EPM2A: variants seen among roughly 807,000 people sequenced by gnomAD.
EPM2A encodes the protein laforin.
Under a neutral mutation model 26.5 loss-of-function variants are expected in EPM2A, and 21 were observed. That is an observed-to-expected ratio of 0.79 (90% CI 0.56 to 1.14). EPM2A has a LOEUF of 1.14. Among genes scored for constraint, EPM2A ranks in the 50% most tolerant of loss-of-function variants. The pLI is 0.00. For synonymous variants in EPM2A, 217 were observed against 177.6 expected (o/e 1.22, Z -1.76); for missense variants, 458 against 440.8 (o/e 1.04, Z -0.35).
intron 2 of EPM2A, among the ~76,000 whole-genome samples, chr6:145,580,477 A>T (rs1781098070): frequency 6.6e-6 from 1 of 151,550 alleles, no homozygotes; most frequent in Non-Finnish European, 1.5e-5. Flanking sequence ...GAATTCATAT[A>T]AAAGCAAGTT....
intron 4 of EPM2A, among the ~76,000 whole-genome samples, chr6:145,406,983 G>C (rs979373250): frequency 5.3e-5 from 8 of 152,166 alleles, no homozygotes; most frequent in Non-Finnish European, 1.5e-5. Flanking sequence ...AGATTAGGCT[G>C]TAAGTTCTGT....
At chr6:145,695,729 C>T (rs1781535075) in intron 1 of EPM2A, among the ~76,000 whole-genome samples, 1 of 151,890 alleles carries the variant, frequency 6.6e-6, no homozygotes, top group East Asian at 1.9e-4. Context: ...ATAAAGGTGT[C>T]AATTCTTCAA....
intron 2 of EPM2A, among the ~76,000 whole-genome samples, chr6:145,550,614 T>C (rs1053097237): frequency 3.9e-5 from 6 of 152,056 alleles, no homozygotes; most frequent in African/African-American, 1.4e-4. Flanking sequence ...ATACTGTGCA[T>C]GATTACTTAT....
At chr6:145,647,552 A>C (rs1189708890) in intron 2 of EPM2A, among the ~76,000 whole-genome samples, 1 of 152,184 alleles carries the variant, frequency 6.6e-6, no homozygotes, top group Non-Finnish European at 1.5e-5. Flanking sequence ...GAGTTTTCTT[A>C]AGCATTTCAT....
downstream of EPM2A, among the ~76,000 whole-genome samples, chr6:145,500,571 A>G (rs1779876165): frequency 1.3e-5 from 2 of 152,136 alleles, no homozygotes; most frequent in Admixed American, 6.5e-5. Context: ...AAAGGAGGAG[A>G]ATCAGGTCAT....
intron 1 of EPM2A, among the ~76,000 whole-genome samples, chr6:145,719,765 G>A (rs1775852467): frequency 6.6e-6 from 1 of 152,046 alleles, no homozygotes; most frequent in South Asian, 2.1e-4. Flanking sequence ...TGGTATCCCA[G>A]TACCTATCAC....
At chr6:145,725,506 C>T (rs1776156081) in intron 1 of EPM2A, among the ~76,000 whole-genome samples, 1 of 151,990 alleles carries the variant, frequency 6.6e-6, no homozygotes, top group Non-Finnish European at 1.5e-5. Context: ...CATAATCACC[C>T]AAACCTGGAA....
intron 1 of EPM2A, among the ~76,000 whole-genome samples, chr6:145,727,917 G>A (rs9386128): frequency 0.53 from 81,037 of 152,046 alleles, 22,249 homozygotes; most frequent in East Asian, 0.67. Context: ...CCTGGTGAGA[G>A]ACGATTGAAT....
At chr6:145,506,616 A>T (rs1779977439) in intron 2 of EPM2A, among the ~76,000 whole-genome samples, 1 of 152,100 alleles carries the variant, frequency 6.6e-6, no homozygotes, top group Non-Finnish European at 1.5e-5. Flanking sequence ...AGAGTTTCCA[A>T]ATTGAATATA....
Position 145,385,218 on chromosome 6 carries a change from C to A in EPM2A, c.556-1121G>T, listed in dbSNP as rs1485240646. ...TACATCTTTGAGAACAAATAATGCC[C>A]TTTTTAAGGGAATTACAAAGGATGA... On this transcript the variant is annotated intron_variant, in intron 4 of 4. Transcript: ENST00000638717. Among the ~76,000 whole-genome samples the A allele has an allele frequency of 1.4e-5, 2 of 146,568 alleles. 1 individual carries two copies. Among genetic ancestry groups the A allele is most frequent in the Admixed American group, 1.4e-4 (2 of 14,404 alleles).
intron 2 of EPM2A, chr6:145,639,439 A>G (rs1776924280): frequency 6.6e-6 from 1 of 152,190 alleles, no homozygotes; most frequent in South Asian, 2.1e-4. Context: ...AGTTAGGCCT[A>G]TAATTCTGTA....
intron 3 of EPM2A, chr6:145,632,228 C>T (rs1776319395): frequency 6.6e-6 from 1 of 152,178 alleles, no homozygotes; most frequent in Non-Finnish European, 1.5e-5. Context: ...GCTCCAAGGT[C>T]AGCATTTCCG....
chr6:145,507,443 T>G (rs1779992462), intron 2 of EPM2A, among the ~76,000 whole-genome samples: 2 of 152,174 alleles, frequency 1.3e-5, no homozygotes. Context: ...CCCTTGGTGA[T>G]TCACCTTTCC....
intron 4 of EPM2A, among the ~76,000 whole-genome samples, chr6:145,429,525 A>G (rs1435912816): frequency 6.6e-6 from 1 of 151,210 alleles, no homozygotes; most frequent in Non-Finnish European, 1.5e-5. Flanking sequence ...CTTAGAAAAA[A>G]ATAAAATTGT....
intron 4 of EPM2A, among the ~76,000 whole-genome samples, chr6:145,422,076 T>TATATATATAG: frequency 7.2e-6 from 1 of 138,662 alleles, no homozygotes; most frequent in Admixed American, 7.5e-5. Flanking sequence ...TATATATATA[T>TATATATATAG]AGAGAGAGAG....
chr6:145,536,676 C>T (rs909546444), intron 2 of EPM2A, among the ~76,000 whole-genome samples: 3 of 152,166 alleles, frequency 2.0e-5, no homozygotes, highest in African/African-American at 7.2e-5. Flanking sequence ...CATTGGCCAA[C>T]CTTGGTGGTC....
intron 1 of EPM2A, among the ~76,000 whole-genome samples, chr6:145,709,133 G>T (rs1444801855): frequency 6.6e-6 from 1 of 152,210 alleles, no homozygotes; most frequent in Non-Finnish European, 1.5e-5. Flanking sequence ...CTCATAGGCA[G>T]AAGGGGCTTG....
exon 5 of EPM2A, chr6:145,383,988 A>G (rs541761626): frequency 6.6e-6 from 1 of 152,144 alleles, no homozygotes; most frequent in East Asian, 1.9e-4. Context: ...AATGCTGTCC[A>G]TTCCTTGTAG....
intron 2 of EPM2A, among the ~76,000 whole-genome samples, chr6:145,553,260 A>G (rs1246358152): frequency 6.6e-6 from 1 of 152,142 alleles, no homozygotes; most frequent in East Asian, 1.9e-4. Flanking sequence ...TCATCAGTCA[A>G]TTAAACCTCT....
Sources: allele counts gnomAD v4.1 joint callset (sites outside exome capture counted in the v4.1 genomes callset), GRCh38; gene constraint gnomAD v4.1.1; transcripts MANE v1.5; gene names NCBI Gene and HGNC (gene_info 2026-07-23, HGNC 2026-07-21).